GTF2H3: variants seen among roughly 807,000 people sequenced by gnomAD.
GTF2H3 encodes the protein general transcription factor IIH subunit 3, also known as TFIIH basal transcription factor complex p34 subunit.
GTF2H3 carries 42 observed loss-of-function variants against 51.1 expected under a neutral mutation model. The observed-to-expected ratio is 0.82, with a 90% CI of 0.64 to 1.06. The LOEUF (loss-of-function observed/expected upper bound fraction) is 1.06, where lower values mean the gene tolerates loss of function less well. Ranked by LOEUF, GTF2H3 falls within the 50% of genes least tolerant of loss-of-function variation. The pLI, the probability that GTF2H3 is intolerant of heterozygous loss-of-function variation, is 0.00. For missense variants in GTF2H3, 326 were observed against 366.1 expected (o/e 0.89, Z 0.89); for synonymous variants, 123 against 123.8 (o/e 0.99, Z 0.04).
chr12:123,658,301 C>T, intron 9 of GTF2H3, among the ~76,000 whole-genome samples: 1 of 151,874 alleles, frequency 6.6e-6, no homozygotes, highest in East Asian at 1.9e-4. Context: ...GCACTGAAAC[C>T]CCAACTCCTG....
chr12:123,660,130 GAAC>G, intron 12 of GTF2H3, 33 bp from the exon 13 acceptor site: 1 of 1,607,944 alleles, frequency 6.2e-7, no homozygotes, highest in Non-Finnish European at 8.5e-7. Flanking sequence ...CACAGCTCTA[GAAC>G]ATTAAAAAAT....
intron 9 of GTF2H3, chr12:123,656,174 A>C: frequency 5.3e-6 from 1 of 186,998 alleles, no homozygotes; most frequent in Non-Finnish European, 1.1e-5. Context: ...ACAAGCACAA[A>C]ACTATGACAA....
At chr12:123,642,558 A>G (rs746811883) in intron 2 of GTF2H3, among the ~76,000 whole-genome samples, 1 of 152,230 alleles carries the variant, frequency 6.6e-6, no homozygotes, top group Non-Finnish European at 1.5e-5. Context: ...TTGGGGGGAC[A>G]TAATTCGACC....
chr12:123,640,074 G>T (rs1593794683), intron 2 of GTF2H3: 2 of 421,510 alleles, frequency 4.7e-6, no homozygotes, highest in Non-Finnish European at 9.8e-6. Flanking sequence ...TGGCCAGGCT[G>T]GTCTCGAACT....
intron 4 of GTF2H3, 172 bp downstream of exon 4, chr12:123,648,298 G>C: frequency 2.0e-6 from 1 of 495,048 alleles, no homozygotes; most frequent in Non-Finnish European, 3.5e-6. Context: ...TACAGCATTT[G>C]ACGCTGCTGA....
At chr12:123,643,846 A>G (rs768795622) in intron 2 of GTF2H3, among the ~76,000 whole-genome samples, 31 of 148,146 alleles carry the variant, frequency 2.1e-4, no homozygotes, top group Non-Finnish European at 5.9e-5. Flanking sequence ...GTGTTGGTCT[A>G]TTTTTTGAGA....
At chr12:123,643,724 T>C (rs1347980286) in intron 2 of GTF2H3, among the ~76,000 whole-genome samples, 1 of 152,214 alleles carries the variant, frequency 6.6e-6, no homozygotes, top group Non-Finnish European at 1.5e-5. Flanking sequence ...GCAACTGGTT[T>C]TTTCCAGTTT....
chr12:123,656,094 GTC>G lies in GTF2H3; in HGVS notation c.615+272_615+273del, dbSNP rs559326428. On this transcript the variant is annotated intron_variant, in intron 9 of 12. Transcript: ENST00000543341. ...AAAGGGAAACAAAACCCTAAAGTAA[GTC>G]TGAAGAAATTACTGAGTTTTTGTTA... 1.7e-3 allele frequency: 534 copies of G among 314,724 alleles called. 3 individuals carry two copies. Among genetic ancestry groups the G allele is most frequent in the Admixed American group, 6.9e-3 (143 of 20,722 alleles). 19.5% of individuals were successfully genotyped at this position (314,724 alleles called of 1,614,324 possible).
chr12:123,646,810 T>G (rs1955452497), intron 3 of GTF2H3, among the ~76,000 whole-genome samples: 1 of 151,716 alleles, frequency 6.6e-6, no homozygotes, highest in Non-Finnish European at 1.5e-5. Flanking sequence ...TCAAAGTTTT[T>G]TTTTTTTTTT....
At chr12:123,645,685 C>A in intron 3 of GTF2H3, 124 bp downstream of exon 3, 2 of 611,214 alleles carry the variant, frequency 3.3e-6, no homozygotes, top group Admixed American at 2.9e-5. Context: ...CAGTGAACAG[C>A]CACAGCACCA....
At chr12:123,639,017 G>T (rs10846533) in intron 1 of GTF2H3, among the ~76,000 whole-genome samples, 9,692 of 151,078 alleles carry the variant, frequency 0.064, 1,016 homozygotes, top group African/African-American at 0.22. Flanking sequence ...GGATGGTCTC[G>T]ATCTCCTGAC....
intron 2 of GTF2H3, 53 bp from the exon 3 acceptor site, chr12:123,645,402 A>T (rs2135785845): frequency 3.2e-6 from 3 of 947,504 alleles, no homozygotes; most frequent in Non-Finnish European, 5.2e-6. Context: ...AAGACCTGAC[A>T]TGGTTATTTG....
At chr12:123,640,234 G>A (rs1955349955) in intron 2 of GTF2H3, among the ~76,000 whole-genome samples, 1 of 151,848 alleles carries the variant, frequency 6.6e-6, no homozygotes, top group Non-Finnish European at 1.5e-5. Context: ...GTACTCCCAG[G>A]CAACTCTTGA....
At position 123,646,748 on chromosome 12, in the gene GTF2H3, G is replaced by A. The variant is rs1167153175; in HGVS notation, c.200+1187G>A. ...TCGCTGCATATTTTTTCTCAGAATT[G>A]GATGAAAAGATGATATTAGTTTGGT... On this transcript the variant is annotated intron_variant, in intron 3 of 12. Transcript: ENST00000543341. Among the ~76,000 whole-genome samples the A allele has an allele frequency of 3.3e-5, 5 of 151,662 alleles. No individual in the cohort carries two copies. In the East Asian group the frequency reaches 7.7e-4, roughly 23 times the overall value.
intron 2 of GTF2H3, among the ~76,000 whole-genome samples, chr12:123,640,948 T>A (rs1355513508): frequency 6.6e-6 from 1 of 152,150 alleles, no homozygotes; most frequent in Non-Finnish European, 1.5e-5. Context: ...GCATGTCTAC[T>A]TGAAAAGAAT....
At position 123,659,598 on chromosome 12, in the gene GTF2H3, A is replaced by G; in HGVS notation, c.684+14A>G. The G allele has an allele frequency of 6.2e-7, 1 of 1,612,756 alleles. No homozygotes were observed. The highest frequency in any genetic ancestry group is 8.5e-7 in the Non-Finnish European group (1 of 1,178,830). ...CAGTATTTGCTGGTAAGGAGACAGC[A>G]GCGGCGACCCTGATGCCTGGAGGGA... On this transcript the variant is annotated intron_variant, in intron 10 of 12. Transcript: ENST00000543341.
intron 2 of GTF2H3, among the ~76,000 whole-genome samples, chr12:123,641,510 G>T (rs1299162100): frequency 6.7e-6 from 1 of 150,234 alleles, no homozygotes; most frequent in African/African-American, 2.5e-5. Context: ...ACAGGCATGA[G>T]CCACGTGTCT....
chr12:123,662,021 CAGG>C lies in GTF2H3; in HGVS notation c.*1789_*1791del, dbSNP rs1187313294. The stretch of plus-strand genomic sequence containing the variant: ...GCAGGTGCCTGTAATCCCAGCTACT[CAGG>C]AGACTGAGGCAGGAGAATTGCTTGA... On this transcript the variant is annotated 3_prime_UTR_variant, in exon 13 of 13. Coordinates refer to ENST00000543341, the MANE Select transcript of GTF2H3 (RefSeq NM_001516.5). 6.6e-6 allele frequency: 1 copy of C among 151,074 alleles called. No individual in the cohort carries two copies. The highest frequency in any genetic ancestry group is 2.4e-5 in the African/African-American group (1 of 41,030). 9.4% of individuals were successfully genotyped at this position (151,074 alleles called of 1,614,324 possible). A position where few individuals can be genotyped will look rare whatever the true frequency, so the allele number is the denominator to read the frequency against.
Position 123,647,974 on chromosome 12 carries a change from A to T in GTF2H3, c.212A>T (p.Tyr71Phe). 1 of 1,613,556 alleles carries T rather than the reference A, an allele frequency of 6.2e-7. No individual in the cohort carries two copies. Among genetic ancestry groups the T allele is most frequent in the Non-Finnish European group, 8.5e-7 (1 of 1,179,756 alleles). Residue 71 changes from tyrosine to phenylalanine, a missense_variant, in exon 4 of 13, where the codon TAT becomes TTT. Coordinates refer to ENST00000543341, the MANE Select transcript of GTF2H3 (RefSeq NM_001516.5). Reference protein sequence around the residue: ...ASHIQESRFLYPGKNGRLGDF... With the variant: ...ASHIQESRFLFPGKNGRLGDF... ...CCCTGCTGTTTCAGCCGATTCTTATATCCTGGAAAGAATGGCAGACTTGGA... is the reference window on the plus strand; with the variant it reads ...CCCTGCTGTTTCAGCCGATTCTTATTTCCTGGAAAGAATGGCAGACTTGGA...
Sources: allele counts gnomAD v4.1 joint callset (sites outside exome capture counted in the v4.1 genomes callset), GRCh38; gene constraint gnomAD v4.1.1; transcripts MANE v1.5; gene names NCBI Gene and HGNC (gene_info 2026-07-23, HGNC 2026-07-21).